Variants in SLC17A3 observed in about 807,000 individuals in gnomAD.
SLC17A3 encodes sodium-dependent phosphate transport protein 4.
Under a neutral mutation model 60.3 loss-of-function variants are expected in SLC17A3, and 61 were observed. That is an observed-to-expected ratio of 1.01 (90% CI 0.82 to 1.25). The LOEUF is 1.25. Ranked by LOEUF, SLC17A3 falls within the 50% of genes most tolerant of loss-of-function variation. SLC17A3 has a pLI of 0.00. For synonymous variants in SLC17A3, 192 were observed against 208.9 expected (o/e 0.92, Z 0.70); for missense variants, 624 against 594.9 (o/e 1.05, Z -0.51).
intron 5 of SLC17A3, 66 bp downstream of exon 5, chr6:25,861,558 G>T: frequency 7.7e-7 from 1 of 1,295,180 alleles, no homozygotes; most frequent in Non-Finnish European, 1.1e-6. Flanking sequence ...GCAATGAAAA[G>T]TTGTCAAGGA....
intron 8 of SLC17A3, 57 bp downstream of exon 8, chr6:25,850,402 C>A: frequency 6.5e-7 from 1 of 1,534,926 alleles, no homozygotes; most frequent in Non-Finnish European, 9.0e-7. Flanking sequence ...TTAGTGAGGG[C>A]AGAGTAATTG....
chr6:25,870,292 G>A (rs1765620572), intron 1 of SLC17A3, among the ~76,000 whole-genome samples: 1 of 151,854 alleles, frequency 6.6e-6, no homozygotes, highest in African/African-American at 2.4e-5. Context: ...AGATTGCCTG[G>A]GAGATATTTT....
chr6:25,849,078 A>G (rs911428897), intron 11 of SLC17A3, among the ~76,000 whole-genome samples: 1 of 152,178 alleles, frequency 6.6e-6, no homozygotes, highest in African/African-American at 2.4e-5. Context: ...AATTCAAAGT[A>G]TTGCCCAAAA....
At chr6:25,870,902 A>G (rs74497029) in intron 1 of SLC17A3, among the ~76,000 whole-genome samples, 1,554 of 152,172 alleles carry the variant, frequency 0.01, 18 homozygotes, top group African/African-American at 0.034. Flanking sequence ...ATGAAGGTAA[A>G]ACTTGAAGAT....
At position 25,849,728 on chromosome 6, in the gene SLC17A3, G is replaced by A. The variant is rs9467620; in HGVS notation, c.1271+77C>T. On this transcript the variant is annotated intron_variant, in intron 10 of 12. Coordinates refer to ENST00000397060, the MANE Select transcript of SLC17A3 (RefSeq NM_001098486.2). ...CCCCTATGGTTTATTCATTTCCTAA[G>A]TTTGGGGATCCCAGAAAGCTGAAAG... 3.1e-5 allele frequency: 47 copies of A among 1,521,526 alleles called. No homozygotes were observed. In the African/African-American group the frequency reaches 6.0e-4, roughly 19 times the overall value. The allele number at this position is 1,521,526 out of a possible 1,614,324, so 94.3% of individuals were successfully genotyped here.
intron 1 of SLC17A3, among the ~76,000 whole-genome samples, chr6:25,873,893 C>T (rs546849355): frequency 6.6e-6 from 1 of 152,148 alleles, no homozygotes; most frequent in South Asian, 2.1e-4. Flanking sequence ...TTAAACACCT[C>T]GCAAGAGTGC....
intron 2 of SLC17A3, among the ~76,000 whole-genome samples, chr6:25,863,472 C>T (rs2151525544): frequency 6.6e-6 from 1 of 152,226 alleles, no homozygotes; most frequent in Admixed American, 6.5e-5. Context: ...GGCAGAGCAG[C>T]TCTTTGGAAC....
intron 1 of SLC17A3, among the ~76,000 whole-genome samples, chr6:25,872,348 G>T (rs564938080): frequency 6.8e-6 from 1 of 146,848 alleles, no homozygotes. Flanking sequence ...AAAAAAAAAG[G>T]CAAAGGCTAC....
At chr6:25,862,105 C>A in intron 3 of SLC17A3, 76 bp from the exon 4 acceptor site, 5 of 1,399,406 alleles carry the variant, frequency 3.6e-6, no homozygotes, top group South Asian at 1.3e-5. Context: ...TCCTTTAGAC[C>A]TTTTGCTTGC....
intron 1 of SLC17A3, among the ~76,000 whole-genome samples, chr6:25,872,179 T>C (rs1376561729): frequency 6.6e-6 from 1 of 152,052 alleles, no homozygotes; most frequent in Non-Finnish European, 1.5e-5. Flanking sequence ...CATTTTATTG[T>C]AAGCTCCACT....
chr6:25,855,295 G>T, intron 5 of SLC17A3, 65 bp from the exon 6 acceptor site: 1 of 1,091,924 alleles, frequency 9.2e-7, no homozygotes, highest in South Asian at 1.3e-5. Flanking sequence ...CATACAAATT[G>T]ATAGATGACA....
At chr6:25,862,758 ATG>A (rs1293768366) in intron 2 of SLC17A3, among the ~76,000 whole-genome samples, 6 of 151,608 alleles carry the variant, frequency 4.0e-5, no homozygotes, top group Admixed American at 6.6e-5. Context: ...GCATATACAT[ATG>A]TGTGTGTGTG....
intron 11 of SLC17A3, among the ~76,000 whole-genome samples, chr6:25,847,853 G>A (rs574222056): frequency 6.6e-6 from 1 of 152,124 alleles, no homozygotes; most frequent in East Asian, 1.9e-4. Context: ...CACCCAATCA[G>A]AATACACTGA....
intron 11 of SLC17A3, among the ~76,000 whole-genome samples, chr6:25,848,027 T>C (rs1765207389): frequency 6.6e-6 from 1 of 152,230 alleles, no homozygotes; most frequent in Non-Finnish European, 1.5e-5. Flanking sequence ...TTACTTCACT[T>C]AGAATAATAG....
intron 11 of SLC17A3, among the ~76,000 whole-genome samples, chr6:25,846,950 G>T (rs1182467434): frequency 6.6e-6 from 1 of 152,106 alleles, no homozygotes; most frequent in African/African-American, 2.4e-5. Context: ...AGGCTTAGAG[G>T]CACATGTGCA....
At chr6:25,860,832 G>T (rs138412506) in intron 5 of SLC17A3, among the ~76,000 whole-genome samples, 27 of 152,224 alleles carry the variant, frequency 1.8e-4, no homozygotes, top group African/African-American at 6.0e-4. Context: ...TTCTTGTGCT[G>T]TATTCTGAGA....
intron 1 of SLC17A3, among the ~76,000 whole-genome samples, chr6:25,872,876 A>G (rs1191798817): frequency 1.3e-5 from 2 of 151,926 alleles, no homozygotes; most frequent in African/African-American, 4.8e-5. Context: ...TTTTAAAGCT[A>G]TCTAAGGTTT....
chr6:25,850,919 CT>C, intron 6 of SLC17A3, 42 bp from the exon 7 acceptor site: 1 of 1,443,516 alleles, frequency 6.9e-7, no homozygotes, highest in Non-Finnish European at 9.8e-7. Flanking sequence ...CTGTTTTCTG[CT>C]TTTTGGGTGA....
intron 2 of SLC17A3, among the ~76,000 whole-genome samples, chr6:25,865,463 G>A (rs1042253634): frequency 6.6e-6 from 1 of 151,882 alleles, no homozygotes; most frequent in Non-Finnish European, 1.5e-5. Context: ...TATCAATCAA[G>A]TCAACTAATA....
Sources: allele counts gnomAD v4.1 joint callset (sites outside exome capture counted in the v4.1 genomes callset), GRCh38; gene constraint gnomAD v4.1.1; transcripts MANE v1.5; gene names NCBI Gene and HGNC (gene_info 2026-07-23, HGNC 2026-07-21).